KNL1: variants seen among roughly 807,000 people sequenced by gnomAD.
The protein encoded by KNL1 is outer kinetochore KNL1 complex subunit KNL1.
KNL1 carries 66 observed loss-of-function variants against 201.3 expected under a neutral mutation model. That is an observed-to-expected ratio of 0.33 (90% CI 0.27 to 0.40). The LOEUF is 0.40. Among genes scored for constraint, KNL1 ranks in the 10% least tolerant of loss-of-function variants. The probability of loss-of-function intolerance (pLI) is 1.00; values close to 1 mark genes in which losing one functional copy is unlikely to be tolerated. For synonymous variants in KNL1, 895 were observed against 899.2 expected (o/e 1.00, Z 0.08); for missense variants, 2,815 against 2,690.5 (o/e 1.05, Z -1.02).
rs1216173133 is a variant in KNL1, at chr15:40,625,167, C to G, written c.4903C>G (p.Leu1635Val). 1 of 1,614,082 alleles carries G rather than the reference C, an allele frequency of 6.2e-7. No individual in the cohort carries two copies. ...TCATAATGGAGCTGAAACCACCTCT[C>G]TACCGCCAAAGACAGTTTTTAAAGA... Reference protein sequence around the residue: ...KSHNGAETTSLPPKTVFKDKV... With the variant: ...KSHNGAETTSVPPKTVFKDKV... The change falls in exon 10 of 26, where the codon CTA (leucine) becomes GTA (valine). Residue 1635 changes from leucine to valine, a missense_variant. Leu to Val is a conservative substitution (Grantham distance 32). Transcript: ENST00000399668.
chr15:40,608,049 G>A lies in KNL1; in HGVS notation c.136-798G>A, dbSNP rs150272277. The stretch of plus-strand genomic sequence containing the variant: ...TAGCTAGAAGGTGGAAGCAACTCAA[G>A]TGTCCATTGATGGATGAATGGATAA... On this transcript the variant is annotated intron_variant, in intron 4 of 25. Transcript: ENST00000399668. 3.7e-3 allele frequency among the ~76,000 whole-genome samples: 559 copies of A among 152,224 alleles called. 4 individuals carry two copies. The highest frequency in any genetic ancestry group is 0.013 in the African/African-American group (528 of 41,526).
Position 40,623,854 on chromosome 15 carries a change from TGGGTGTTTCCTTTCCTAA to T in KNL1, c.3593_3610del (p.Gly1198_Lys1203del). 6.2e-7 allele frequency: 1 copy of T among 1,613,614 alleles called. No individual in the cohort carries two copies. Among genetic ancestry groups the T allele is most frequent in the African/African-American group, 1.3e-5 (1 of 74,974 alleles). On this transcript the variant is annotated inframe_deletion, in exon 10 of 26. Coordinates refer to ENST00000399668, the MANE Select transcript of KNL1 (RefSeq NM_144508.5). ...TTTGGAATAGGAAAAGGAAAAAACT[TGGGTGTTTCCTTTCCTAA>T]GGATAATAGCTGTGTTCAAGAAATC...
Position 40,621,712 on chromosome 15 carries a change from A to G in KNL1, c.1448A>G (p.Asn483Ser), listed in dbSNP as rs959859239. 1.9e-6 allele frequency: 3 copies of G among 1,612,398 alleles called. No homozygotes were observed. The highest frequency in any genetic ancestry group is 1.1e-5 in the South Asian group (1 of 91,032). ...AAAACTATTTATTCCGGAGAGGAGA[A>G]CATGGACATTACCAAGAGTCATACA... ...TEKTIYSGEE[N>S]MDITKSHTVA... is the part of the protein sequence containing the mutation. The change falls in exon 10 of 26, where the codon AAC (asparagine) becomes AGC (serine). Residue 483 changes from asparagine (N) to serine (S), a missense_variant. Transcript: ENST00000399668.
Position 40,629,829 on chromosome 15 carries a change from T to C in KNL1, c.5682+458T>C, listed in dbSNP as rs558625095. Reference sequence around the variant, plus strand: ...AGTTTTCTTATAGTAGAGAGATTTGTGGTTAGCATAAACAAAAACCAAAAA... The same window carrying C: ...AGTTTTCTTATAGTAGAGAGATTTGCGGTTAGCATAAACAAAAACCAAAAA... On this transcript the variant is annotated intron_variant, in intron 13 of 25. Coordinates refer to ENST00000399668, the MANE Select transcript of KNL1 (RefSeq NM_144508.5). Among the ~76,000 whole-genome samples the C allele has an allele frequency of 1.1e-4, 17 of 152,146 alleles. No individual in the cohort carries two copies. In the East Asian group the frequency reaches 3.1e-3, roughly 28 times the overall value.
intron 1 of KNL1, among the ~76,000 whole-genome samples, chr15:40,597,253 G>GT (rs1031947254): frequency 6.0e-5 from 9 of 150,304 alleles, no homozygotes; most frequent in Non-Finnish European, 8.9e-5. Context: ...TAACTTTTTT[G>GT]TTTTTTTTTC....
At chr15:40,603,285 T>A (rs1224294627) in intron 2 of KNL1, among the ~76,000 whole-genome samples, 1 of 152,190 alleles carries the variant, frequency 6.6e-6, no homozygotes, top group East Asian at 1.9e-4. Flanking sequence ...CCCAACCCTG[T>A]GTCCAAGTGA....
chr15:40,605,977 C>T (rs1316005342), intron 3 of KNL1, among the ~76,000 whole-genome samples: 1 of 152,158 alleles, frequency 6.6e-6, no homozygotes. Context: ...GGCCCAAGTC[C>T]TACGTGAAGA....
intron 22 of KNL1, 79 bp downstream of exon 22, chr15:40,655,056 G>GCACCC (rs1893682911): frequency 1.8e-6 from 2 of 1,090,074 alleles, no homozygotes; most frequent in African/African-American, 1.6e-5. Context: ...CCAGCACTTT[G>GCACCC]GGAGGCTGAG....
rs36115126 is a variant in KNL1, at chr15:40,659,061, C to A, written c.6714-278C>A. Among the ~76,000 whole-genome samples the A allele has an allele frequency of 0.39, 59,000 of 151,762 alleles. 11,661 individuals carry two copies. The highest frequency in any genetic ancestry group is 0.47 in the Middle Eastern group (138 of 294). On this transcript the variant is annotated intron_variant, in intron 24 of 25. Coordinates refer to ENST00000399668, the MANE Select transcript of KNL1 (RefSeq NM_144508.5). ...CCAACACTTTGGGTGGTGAGGCAGG[C>A]GGATCACCTGAGGTCAGGAGTTTGA... is the stretch of plus-strand genomic sequence containing the variant.
intron 1 of KNL1, among the ~76,000 whole-genome samples, chr15:40,599,768 C>T (rs1021459053): frequency 1.2e-4 from 16 of 138,520 alleles, no homozygotes; most frequent in African/African-American, 4.3e-4. Context: ...GGTTGATTTT[C>T]TGATATTAAA....
chr15:40,637,078 A>G (rs1893076231), intron 13 of KNL1, among the ~76,000 whole-genome samples: 1 of 149,930 alleles, frequency 6.7e-6, no homozygotes, highest in Admixed American at 6.7e-5. Context: ...TTTTCTTGGG[A>G]TCCAAATGAG....
intron 10 of KNL1, 32 bp downstream of exon 10, chr15:40,625,672 T>C (rs1567011248): frequency 6.4e-7 from 1 of 1,559,634 alleles, no homozygotes; most frequent in Non-Finnish European, 8.8e-7. Context: ...AGAATGTTCT[T>C]GAATTTTGGG....
intron 2 of KNL1, 110 bp from the exon 3 acceptor site, chr15:40,605,000 A>C: frequency 1.5e-6 from 1 of 652,616 alleles, no homozygotes; most frequent in Non-Finnish European, 2.8e-6. Context: ...CCAGAGTGCT[A>C]AGAGAAAGTG....
chr15:40,627,250 C>T (rs1369256744), intron 10 of KNL1, among the ~76,000 whole-genome samples: 1 of 152,220 alleles, frequency 6.6e-6, no homozygotes, highest in Non-Finnish European at 1.5e-5. Context: ...CGCGGTAGCT[C>T]ATGCCTATAA....
intron 10 of KNL1, among the ~76,000 whole-genome samples, chr15:40,627,097 G>C (rs1235550983): frequency 6.6e-6 from 1 of 152,170 alleles, no homozygotes; most frequent in Admixed American, 6.5e-5. Context: ...GTTTCACAAT[G>C]TTGGCCAGGC....
Position 40,624,723 on chromosome 15 carries a change from G to A in KNL1, c.4459G>A (p.Glu1487Lys). 6.2e-7 allele frequency: 1 copy of A among 1,613,420 alleles called. No homozygotes were observed. The highest frequency in any genetic ancestry group is 2.2e-5 in the East Asian group (1 of 44,860). ...IIENSSAPICENKPKILNSEE... is the reference protein window; with the variant it reads ...IIENSSAPICKNKPKILNSEE... ...AGAAAATTCCTCTGCACCCATATGT[G>A]AAAACAAGCCCAAAATACTCAATAG... is the stretch of plus-strand genomic sequence containing the variant. Residue 1487 changes from glutamate to lysine, a missense_variant, in exon 10 of 26, where the codon GAA (glutamate) becomes AAA (lysine). Around this residue, in one of 3 missense-constraint regions of KNL1, gnomAD observed 2,464 missense variants for 2,291.7 expected, o/e 1.08. Transcript: ENST00000399668.
At chr15:40,661,075 A>T (rs1388762699) in intron 25 of KNL1, among the ~76,000 whole-genome samples, 2 of 151,964 alleles carry the variant, frequency 1.3e-5, no homozygotes, top group Non-Finnish European at 2.9e-5. Flanking sequence ...TAACAGAGTT[A>T]AAAATGTGCT....
At chr15:40,604,803 T>C (rs2141699741) in intron 2 of KNL1, among the ~76,000 whole-genome samples, 1 of 152,376 alleles carries the variant, frequency 6.6e-6, no homozygotes, top group African/African-American at 2.4e-5. Flanking sequence ...AAAAATCGTA[T>C]AGTAGTAAAA....
intron 25 of KNL1, 28 bp downstream of exon 25, chr15:40,659,489 T>C: frequency 1.3e-6 from 2 of 1,591,514 alleles, no homozygotes; most frequent in Non-Finnish European, 1.7e-6. Flanking sequence ...AGGGTAAGAC[T>C]CTGGGCTACT....
Sources: allele counts gnomAD v4.1 joint callset (sites outside exome capture counted in the v4.1 genomes callset), GRCh38; gene constraint gnomAD v4.1.1; regional missense constraint gnomAD v4.1.1; transcripts MANE v1.5; gene names NCBI Gene and HGNC (gene_info 2026-07-23, HGNC 2026-07-21).